The following RYR3 variants were observed in gnomAD, a reference collection of about 807,000 sequenced individuals.
RYR3 encodes the protein ryanodine receptor 3.
A neutral mutation model predicts 584.3 loss-of-function variants in RYR3; 207 were observed. The ratio of observed to expected loss-of-function variants is 0.35; its 90% CI spans 0.32 to 0.40. The LOEUF is 0.40. Ranked by LOEUF, RYR3 falls within the 10% of genes least tolerant of loss-of-function variation. The probability of loss-of-function intolerance (pLI) is 1.00; values close to 1 mark genes in which losing one functional copy is unlikely to be tolerated. For missense variants in RYR3, 5,616 were observed against 6,089.2 expected (o/e 0.92, Z 2.59); for synonymous variants, 2,416 against 2,248.5 (o/e 1.07, Z -2.11).
rs779917089 is a variant in RYR3, at chr15:33,550,185, G to A, written c.841G>A (p.Gly281Ser). 2 of 1,613,764 alleles carry A rather than the reference G, an allele frequency of 1.2e-6. No individual in the cohort carries two copies. Among genetic ancestry groups the A allele is most frequent in the Non-Finnish European group, 1.7e-6 (2 of 1,179,800 alleles). Residue 281 changes from glycine (G) to serine (S), a missense_variant, in exon 10 of 104, where the codon GGC becomes AGC. Around this residue, in one of 9 missense-constraint regions of RYR3, gnomAD observed 1,284 missense variants for 1,344.6 expected, o/e 0.95. Coordinates refer to ENST00000634891, the MANE Select transcript of RYR3 (RefSeq NM_001036.6). ...ISWSGSNIRW[G>S]QAFRLRHLTT... Reference sequence around the variant, plus strand: ...CTGGAGTGGCAGTAACATCAGATGGGGCCAGGCTTTCCGACTCCGGCATCT... The same window carrying A: ...CTGGAGTGGCAGTAACATCAGATGGAGCCAGGCTTTCCGACTCCGGCATCT...
intron 1 of RYR3, among the ~76,000 whole-genome samples, chr15:33,418,941 T>C (rs1258943122): frequency 6.6e-6 from 1 of 152,116 alleles, no homozygotes; most frequent in Non-Finnish European, 1.5e-5. Context: ...GATAGATGGC[T>C]TTATTTCCAG....
chr15:33,342,782 A>G (rs935933233), intron 1 of RYR3, among the ~76,000 whole-genome samples: 1 of 152,174 alleles, frequency 6.6e-6, no homozygotes, highest in Non-Finnish European at 1.5e-5. Context: ...GTACTCAGAG[A>G]ATCAATCTCA....
chr15:33,673,213 A>G lies in RYR3; in HGVS notation c.5860+2657A>G, dbSNP rs551154729. Reference sequence around the variant, plus strand: ...AACGGAATTCAATGTTTTAACATTTAAAAGTTCACCAAACCAAGGATCTGA... The same window carrying G: ...AACGGAATTCAATGTTTTAACATTTGAAAGTTCACCAAACCAAGGATCTGA... On this transcript the variant is annotated intron_variant, in intron 38 of 103. Transcript: ENST00000634891. 9.8e-5 allele frequency among the ~76,000 whole-genome samples: 15 copies of G among 152,354 alleles called. No individual in the cohort carries two copies. The South Asian group carries it at 2.5e-3, about 25-fold the overall frequency.
Position 33,844,903 on chromosome 15 carries a change from A to G in RYR3, c.13338A>G (p.Ala4446=). The change falls in exon 93 of 104, where the codon GCA becomes GCG. Residue 4446 remains alanine, a synonymous_variant. Transcript: ENST00000634891. The part of the protein sequence containing the change: ...EPLEEETEDV[A]NLWNSFNDEE... The stretch of plus-strand genomic sequence containing the variant: ...TAGAAGAAGAGACAGAGGATGTTGC[A>G]AACCTATGGAATTCCTTTAATGACG... 6.2e-7 allele frequency: 1 copy of G among 1,614,034 alleles called. No homozygotes were observed. Among genetic ancestry groups the G allele is most frequent in the South Asian group, 1.1e-5 (1 of 91,090 alleles).
At chr15:33,615,404 A>G (rs2060398959) in intron 19 of RYR3, among the ~76,000 whole-genome samples, 1 of 152,236 alleles carries the variant, frequency 6.6e-6, no homozygotes, top group African/African-American at 2.4e-5. Flanking sequence ...TATATAAACT[A>G]TTTAGAAATA....
intron 3 of RYR3, among the ~76,000 whole-genome samples, chr15:33,525,271 T>C (rs991530470): frequency 6.6e-6 from 1 of 152,208 alleles, no homozygotes; most frequent in Non-Finnish European, 1.5e-5. Flanking sequence ...CAGACCTGTT[T>C]ATGGACTGTC....
chr15:33,770,037 A>C (rs2073438292), intron 62 of RYR3, among the ~76,000 whole-genome samples: 1 of 151,912 alleles, frequency 6.6e-6, no homozygotes, highest in Non-Finnish European at 1.5e-5. Context: ...TCCTTGTCAG[A>C]GCCGGGCACC....
In RYR3 at chr15:33,641,060, G is replaced by C. The variant is rs1044284180; in HGVS notation, c.3557-3251G>C. On this transcript the variant is annotated intron_variant, in intron 27 of 103. Transcript: ENST00000634891. ...TACAGGTAGCCCTTTTCCTCTACGG[G>C]GCCTGGAGCGTGTTGTGGTTATGGG... Among the ~76,000 whole-genome samples the C allele has an allele frequency of 1.2e-4, 19 of 152,268 alleles. No individual in the cohort carries two copies. In the Middle Eastern group the frequency reaches 0.01, roughly 82 times the overall value.
At chr15:33,751,042 T>A (rs550184753) in intron 57 of RYR3, among the ~76,000 whole-genome samples, 19 of 152,236 alleles carry the variant, frequency 1.2e-4, no homozygotes, top group Non-Finnish European at 2.4e-4. Flanking sequence ...GCATTATCTA[T>A]GTCCCTGCAA....
In RYR3 at chr15:33,854,786, G is replaced by A. The variant is rs777219664; in HGVS notation, c.13881G>A (p.Trp4627Ter). ...FTDNSFLYLA[W>*]YTTMSVLGHY... ...CCCAGTCCTTTCTCTACCTTGCCTGGTATACAACCATGTCAGTCCTGGGCC... is the reference window on the plus strand; with the variant it reads ...CCCAGTCCTTTCTCTACCTTGCCTGATATACAACCATGTCAGTCCTGGGCC... Residue 4627 changes from tryptophan (W) to a stop codon, truncating the protein, a stop_gained, in exon 98 of 104, where the codon TGG (tryptophan) becomes TGA (stop). Transcript: ENST00000634891. LOFTEE classifies it high-confidence loss of function. The A allele has an allele frequency of 5.0e-6, 8 of 1,611,520 alleles. No homozygotes were observed. The highest frequency in any genetic ancestry group is 6.8e-6 in the Non-Finnish European group (8 of 1,179,060).
chr15:33,727,638 A>C (rs1367206020), intron 46 of RYR3, among the ~76,000 whole-genome samples: 2 of 152,202 alleles, frequency 1.3e-5, no homozygotes, highest in African/African-American at 4.8e-5. Context: ...CGCAGCCTGC[A>C]GTCTGGAAGG....
intron 12 of RYR3, among the ~76,000 whole-genome samples, chr15:33,572,004 T>C (rs1265300075): frequency 6.6e-6 from 1 of 152,222 alleles, no homozygotes; most frequent in African/African-American, 2.4e-5. Flanking sequence ...GAACTTAATA[T>C]ATATTTAACT....
In RYR3 at chr15:33,613,175, C is replaced by G; in HGVS notation, c.2165-8C>G. On this transcript the variant is annotated splice_polypyrimidine_tract_variant and splice_region_variant and intron_variant, in intron 18 of 103. Coordinates refer to ENST00000634891, the MANE Select transcript of RYR3 (RefSeq NM_001036.6). ...TCCACAGCCTTCTTCCTGTTCTTTC[C>G]TCACCAGGCCGGATACCCAGAGCTG... 1 of 1,611,738 alleles carries G rather than the reference C, an allele frequency of 6.2e-7. No homozygotes were observed. Among genetic ancestry groups the G allele is most frequent in the African/African-American group, 1.3e-5 (1 of 74,990 alleles).
At chr15:33,760,071 C>T (rs986610610) in intron 60 of RYR3, among the ~76,000 whole-genome samples, 49 of 152,168 alleles carry the variant, frequency 3.2e-4, no homozygotes, top group African/African-American at 1.1e-3. Context: ...AAATCCTTTA[C>T]AGACAAGCAA....
chr15:33,446,195 C>A (rs535477403), intron 1 of RYR3, among the ~76,000 whole-genome samples: 2 of 152,310 alleles, frequency 1.3e-5, no homozygotes, highest in African/African-American at 4.8e-5. Flanking sequence ...TTTTCTGATT[C>A]TCTTGCTCAA....
intron 1 of RYR3, among the ~76,000 whole-genome samples, chr15:33,415,467 C>A (rs1046737628): frequency 6.6e-6 from 1 of 151,712 alleles, no homozygotes; most frequent in Admixed American, 6.6e-5. Flanking sequence ...TCCACATACT[C>A]AGCAGCTTAC....
chr15:33,779,046 G>A (rs1475003215), intron 64 of RYR3, among the ~76,000 whole-genome samples: 2 of 152,170 alleles, frequency 1.3e-5, no homozygotes, highest in African/African-American at 2.4e-5. Flanking sequence ...GCTTTTCGAA[G>A]GAATGCACAG....
intron 27 of RYR3, among the ~76,000 whole-genome samples, chr15:33,639,396 G>A (rs970600483): frequency 6.6e-6 from 1 of 152,262 alleles, no homozygotes; most frequent in East Asian, 1.9e-4. Flanking sequence ...TAAGGAAGTC[G>A]ACATGCCATT....
intron 1 of RYR3, among the ~76,000 whole-genome samples, chr15:33,336,546 G>GA (rs796905126): frequency 1.8e-5 from 1 of 56,304 alleles, no homozygotes; most frequent in African/African-American, 6.1e-5. Flanking sequence ...AGGAGGGAAG[G>GA]AGGGAAGGAA....
Sources: gnomAD v4.1 joint callset for allele counts (sites outside exome capture counted in the v4.1 genomes callset) on GRCh38, gnomAD v4.1.1 for gene constraint, gnomAD v4.1.1 regional missense constraint, MANE v1.5 for transcripts, NCBI Gene and HGNC (gene_info 2026-07-23, HGNC 2026-07-21) for gene names.